FARS2: variants seen among roughly 807,000 people sequenced by gnomAD.
FARS2 encodes the protein phenylalanine--tRNA ligase, mitochondrial.
FARS2 carries 40 observed loss-of-function variants against 46.4 expected under a neutral mutation model. The observed-to-expected ratio is 0.86, with a 90% confidence interval of 0.67 to 1.12. The LOEUF is 1.12. Ranked by LOEUF, FARS2 falls within the 50% of genes most tolerant of loss-of-function variation. The pLI is 0.00. For synonymous variants in FARS2, 234 were observed against 214.9 expected (o/e 1.09, Z -0.78); for missense variants, 513 against 567.9 (o/e 0.90, Z 0.98).
intron 4 of FARS2, among the ~76,000 whole-genome samples, chr6:5,510,898 G>T (rs1768410801): frequency 6.6e-6 from 1 of 152,180 alleles, no homozygotes; most frequent in Admixed American, 6.5e-5. Context: ...TCTGTGCTGG[G>T]CTTTACCGGT....
chr6:5,314,037 C>T (rs1409215596), intron 1 of FARS2, among the ~76,000 whole-genome samples: 4 of 152,032 alleles, frequency 2.6e-5, no homozygotes, highest in African/African-American at 7.3e-5. Context: ...AAGGGTCTTA[C>T]GAATTATACT....
intron 6 of FARS2, among the ~76,000 whole-genome samples, chr6:5,700,925 AT>A (rs1473767442): frequency 6.6e-6 from 1 of 152,004 alleles, no homozygotes; most frequent in Non-Finnish European, 1.5e-5. Flanking sequence ...CTTACCCACT[AT>A]TTTTTCCAAA....
chr6:5,501,319 A>G (rs35565840), intron 4 of FARS2, among the ~76,000 whole-genome samples: 33,743 of 152,000 alleles, frequency 0.22, 5,076 homozygotes, highest in Non-Finnish European at 0.33. Flanking sequence ...AGCTCTTGGC[A>G]TATGCTTCAT....
intron 3 of FARS2, among the ~76,000 whole-genome samples, chr6:5,407,603 T>G (rs1272034898): frequency 1.4e-5 from 2 of 140,826 alleles, no homozygotes; most frequent in African/African-American, 2.6e-5. Flanking sequence ...ATTTATAATG[T>G]TTTTTTTTTT....
In FARS2 at chr6:5,727,495, G is replaced by A. The variant is rs1038058644; in HGVS notation, c.1218-43796G>A. ...TAAAATGCCACGCTAGCGGGTTTCGGGTAACTGAAGAAAGTGCATTCCGCG... is the reference window on the plus strand; with the variant it reads ...TAAAATGCCACGCTAGCGGGTTTCGAGTAACTGAAGAAAGTGCATTCCGCG... On this transcript the variant is annotated intron_variant, in intron 6 of 6. Coordinates refer to ENST00000274680, the MANE Select transcript of FARS2 (RefSeq NM_006567.5). The surrounding 1 kb of genome is among the most constrained non-coding windows in gnomAD (Gnocchi z 4.1). 6.6e-6 allele frequency among the ~76,000 whole-genome samples: 1 copy of A among 152,188 alleles called. No homozygotes were observed. Among genetic ancestry groups the A allele is most frequent in the Non-Finnish European group, 1.5e-5 (1 of 68,036 alleles).
At chr6:5,650,259 CTTTTTTTTTTT>C (rs55926813) in intron 6 of FARS2, among the ~76,000 whole-genome samples, 3 of 115,800 alleles carry the variant, frequency 2.6e-5, no homozygotes, top group South Asian at 3.0e-4. Context: ...GGCCACATTT[CTTTTTTTTTTT>C]TTTTTTTTTG....
chr6:5,290,668 T>C (rs1447541909), intron 1 of FARS2, among the ~76,000 whole-genome samples: 1 of 152,234 alleles, frequency 6.6e-6, no homozygotes, highest in African/African-American at 2.4e-5. Context: ...ATTTCCCTTT[T>C]ATCCCCCTGG....
chr6:5,687,041 A>G (rs1757287620), intron 6 of FARS2, among the ~76,000 whole-genome samples: 1 of 151,180 alleles, frequency 6.6e-6, no homozygotes, highest in Non-Finnish European at 1.5e-5. Context: ...CCACTTTTTG[A>G]TGGGGTTGTT....
chr6:5,371,117 C>T, intron 2 of FARS2: 1 of 816,984 alleles, frequency 1.2e-6, no homozygotes, highest in Non-Finnish European at 1.5e-6. Context: ...TTTCATGACA[C>T]TCCTTTCTAC....
At chr6:5,289,944 C>G (rs1236035223) in intron 1 of FARS2, among the ~76,000 whole-genome samples, 2 of 152,174 alleles carry the variant, frequency 1.3e-5, no homozygotes, top group Non-Finnish European at 2.9e-5. Context: ...TGAATTCTTG[C>G]ACCAGAGAAA....
rs56248218 is a variant in FARS2, at chr6:5,578,808, C to CAAA, written c.1065+33491_1065+33493dup. 4.7e-4 allele frequency among the ~76,000 whole-genome samples: 58 copies of CAAA among 124,296 alleles called. 1 individual carries two copies. The highest frequency in any genetic ancestry group is 1.2e-3 in the African/African-American group (38 of 31,322). 81.5% of individuals were successfully genotyped at this position (124,296 alleles called of 152,430 possible). A position where few individuals can be genotyped will look rare whatever the true frequency, so the allele number is the denominator to read the frequency against. ...TGGAAGACAGAGCGGCACTCCGTCTCAAAAAAAAAAAAAAAAAAAAAAAAA... is the reference window on the plus strand; with the variant it reads ...TGGAAGACAGAGCGGCACTCCGTCTCAAAAAAAAAAAAAAAAAAAAAAAAAAAA... On this transcript the variant is annotated intron_variant, in intron 5 of 6. Transcript: ENST00000274680.
At chr6:5,381,273 A>G (rs1006120400) in intron 2 of FARS2, among the ~76,000 whole-genome samples, 1 of 151,962 alleles carries the variant, frequency 6.6e-6, no homozygotes, top group Non-Finnish European at 1.5e-5. Context: ...CTGGGATTAC[A>G]GGCGTGAGCC....
intron 6 of FARS2, among the ~76,000 whole-genome samples, chr6:5,642,705 G>T (rs10484313): frequency 5.8e-4 from 88 of 152,130 alleles, no homozygotes; most frequent in Admixed American, 1.3e-3. Context: ...TCCAGTATTC[G>T]ATAAGAGAAT....
intron 5 of FARS2, among the ~76,000 whole-genome samples, chr6:5,570,367 T>G (rs1772570495): frequency 6.6e-6 from 1 of 152,238 alleles, no homozygotes; most frequent in African/African-American, 2.4e-5. Flanking sequence ...AGTATTATGG[T>G]GTGCACTTTG....
intron 2 of FARS2, among the ~76,000 whole-genome samples, chr6:5,399,556 C>T (rs909347389): frequency 6.6e-6 from 1 of 152,190 alleles, no homozygotes; most frequent in African/African-American, 2.4e-5. Context: ...ATGACCCCCA[C>T]TCTGCCATTC....
intron 4 of FARS2, among the ~76,000 whole-genome samples, chr6:5,477,877 G>A (rs1298911262): frequency 6.6e-6 from 1 of 152,000 alleles, no homozygotes; most frequent in Non-Finnish European, 1.5e-5. Context: ...AAAATGAGCT[G>A]GGCGTGGTGG....
intron 6 of FARS2, among the ~76,000 whole-genome samples, chr6:5,743,378 T>C (rs182527247): frequency 1.9e-4 from 29 of 152,318 alleles, no homozygotes; most frequent in Admixed American, 1.7e-3. Context: ...CCACAAGCTC[T>C]GGATGCCAAC....
intron 1 of FARS2, among the ~76,000 whole-genome samples, chr6:5,299,273 A>G (rs1420522762): frequency 6.6e-6 from 1 of 152,202 alleles, no homozygotes; most frequent in Non-Finnish European, 1.5e-5. Context: ...TCTGGCGAAC[A>G]TAGTTATAAT....
chr6:5,356,832 C>T (rs888418361), intron 1 of FARS2, among the ~76,000 whole-genome samples: 17 of 152,056 alleles, frequency 1.1e-4, no homozygotes, highest in African/African-American at 1.7e-4. Flanking sequence ...GAAGAACGGA[C>T]GGCATATGTA....
Sources: gnomAD v4.1 joint callset for allele counts (sites outside exome capture counted in the v4.1 genomes callset) on GRCh38, gnomAD v4.1.1 for gene constraint, Gnocchi (gnomAD v3.1) non-coding constraint, MANE v1.5 for transcripts, NCBI Gene and HGNC (gene_info 2026-07-23, HGNC 2026-07-21) for gene names.